Variants in ZCCHC14 observed in about 807,000 individuals in gnomAD.
ZCCHC14 encodes the protein zinc finger CCHC-type containing 14.
In ZCCHC14, 16 loss-of-function variants were observed where a neutral mutation model predicts 85.0. The observed-to-expected ratio is 0.19, with a 90% CI of 0.13 to 0.29. The LOEUF is 0.29. ZCCHC14 is among the 10% of genes least tolerant of loss of function. The pLI is 1.00. For missense variants in ZCCHC14, 1,303 were observed against 1,443.5 expected (o/e 0.90, Z 1.58); for synonymous variants, 775 against 630.7 (o/e 1.23, Z -3.43).
rs1278668368 is a variant in ZCCHC14, at chr16:87,436,980, G to A, written c.695-3779C>T. 2.6e-5 allele frequency among the ~76,000 whole-genome samples: 4 copies of A among 152,100 alleles called. No homozygotes were observed. The South Asian group carries it at 8.3e-4, about 31-fold the overall frequency. ...AACCCACTTCCAGTCTGCCCCCAGT[G>A]TGGCCGCCTTCCCCTCCCTCCCTGG... On this transcript the variant is annotated intron_variant, in intron 2 of 12. Coordinates refer to ENST00000671377, the MANE Select transcript of ZCCHC14 (RefSeq NM_015144.3).
intron 3 of ZCCHC14, among the ~76,000 whole-genome samples, chr16:87,424,252 G>C (rs902250329): frequency 6.6e-6 from 1 of 152,168 alleles, no homozygotes. Flanking sequence ...ATGCAAGAGC[G>C]ACACATTCCC....
intron 5 of ZCCHC14, 111 bp from the exon 6 acceptor site, chr16:87,419,988 GC>G: frequency 1.3e-6 from 1 of 746,560 alleles, no homozygotes; most frequent in Non-Finnish European, 2.1e-6. Flanking sequence ...GAGGAAAAAA[GC>G]CAGAAGTGCC....
Position 87,412,336 on chromosome 16 carries a change from A to G in ZCCHC14, c.2385T>C (p.Pro795=). 1 of 1,614,108 alleles carries G rather than the reference A, an allele frequency of 6.2e-7. No individual in the cohort carries two copies. The highest frequency in any genetic ancestry group is 2.2e-5 in the East Asian group (1 of 44,882). Residue 795 remains proline (P), a synonymous_variant, in exon 12 of 13, where the codon CCT becomes CCC. Coordinates refer to ENST00000671377, the MANE Select transcript of ZCCHC14 (RefSeq NM_015144.3). ...DSAISGQTSC[P]NNVQISVPPA... is the part of the protein sequence containing the mutation. ...GGGGCACACTTATTTGCACATTATTAGGACAGGAAGTTTGCCCAGAAATGG... is the reference window on the plus strand; with the variant it reads ...GGGGCACACTTATTTGCACATTATTGGGACAGGAAGTTTGCCCAGAAATGG...
At position 87,408,137 on chromosome 16, in the gene ZCCHC14, TTA is replaced by T. The variant is rs1491114720; in HGVS notation, c.*2141_*2142del. On this transcript the variant is annotated 3_prime_UTR_variant, in exon 13 of 13. Coordinates refer to ENST00000671377, the MANE Select transcript of ZCCHC14 (RefSeq NM_015144.3). ...TTTCTGTTTTAATGTTTTGCTGGAT[TTA>T]AGGTTAACCTCTAATACTTATCAAA... is the stretch of plus-strand genomic sequence containing the variant. 2 of 152,650 alleles carry T rather than the reference TTA, an allele frequency of 1.3e-5. No individual in the cohort carries two copies. Among genetic ancestry groups the T allele is most frequent in the African/African-American group, 4.8e-5 (2 of 41,454 alleles). 9.5% of individuals were successfully genotyped at this position (152,650 alleles called of 1,614,324 possible).
chr16:87,457,010 C>G (rs1198343405), intron 2 of ZCCHC14, among the ~76,000 whole-genome samples: 1 of 152,214 alleles, frequency 6.6e-6, no homozygotes, highest in Non-Finnish European at 1.5e-5. Context: ...AGCTTGTACA[C>G]TACAACAGCT....
chr16:87,452,521 C>T (rs894493603), intron 2 of ZCCHC14, among the ~76,000 whole-genome samples: 14 of 151,920 alleles, frequency 9.2e-5, no homozygotes, highest in South Asian at 4.2e-4. Context: ...AGAGCGCTAT[C>T]GGGACCACCA....
chr16:87,410,858 T>C (rs1183765955), intron 12 of ZCCHC14, among the ~76,000 whole-genome samples: 1 of 152,150 alleles, frequency 6.6e-6, no homozygotes, highest in Admixed American at 6.5e-5. Flanking sequence ...AGTGCAACCC[T>C]TAGAAGCAAC....
chr16:87,433,342 T>C, intron 2 of ZCCHC14, 141 bp from the exon 3 acceptor site: 1 of 728,708 alleles, frequency 1.4e-6, no homozygotes, highest in Non-Finnish European at 2.2e-6. Context: ...GCATCTCACC[T>C]AGAACCAGAG....
In ZCCHC14 at chr16:87,426,418, T is replaced by G. The variant is rs139332407; in HGVS notation, c.769-2537A>C. 8.3e-4 allele frequency among the ~76,000 whole-genome samples: 127 copies of G among 152,344 alleles called. 2 individuals carry two copies. In the East Asian group the frequency reaches 0.021, roughly 25 times the overall value. On this transcript the variant is annotated intron_variant, in intron 3 of 12. Coordinates refer to ENST00000671377, the MANE Select transcript of ZCCHC14 (RefSeq NM_015144.3). ...GGCACAGCATCTTCTATCACGTCCC[T>G]GAAAAGCTACTTAGCCTTATCTGGA...
rs1162345627 is a variant in ZCCHC14, at chr16:87,492,287, G to A, written c.-49C>T. The A allele has an allele frequency of 2.1e-6, 2 of 970,784 alleles. No individual in the cohort carries two copies. The highest frequency in any genetic ancestry group is 2.4e-6 in the Non-Finnish European group (2 of 820,294). The allele number at this position is 970,784 out of a possible 1,614,324, so 60.1% of individuals were successfully genotyped here. ...ACCCGGGGCCGGGGACCGCGCGGGG[G>A]CGGCCGGGGGGCGCCGGGGGCCGCG... On this transcript the variant is annotated 5_prime_UTR_variant, in exon 1 of 13. Coordinates refer to ENST00000671377, the MANE Select transcript of ZCCHC14 (RefSeq NM_015144.3). This position sits in a 1 kb window ranked among gnomAD's most constrained non-coding sequence, Gnocchi z 6.7.
intron 3 of ZCCHC14, among the ~76,000 whole-genome samples, chr16:87,426,797 G>C (rs1909394265): frequency 6.6e-6 from 1 of 152,210 alleles, no homozygotes; most frequent in African/African-American, 2.4e-5. Context: ...GGAAAGCGTG[G>C]ACTCTAAGAA....
chr16:87,414,898 T>C (rs891774757), intron 9 of ZCCHC14, among the ~76,000 whole-genome samples: 16 of 152,074 alleles, frequency 1.1e-4, no homozygotes, highest in African/African-American at 3.6e-4. Context: ...TTGGCCAATA[T>C]GGTAAAACCC....
In ZCCHC14 at chr16:87,491,527, T is replaced by A; in HGVS notation, c.570+142A>T. The A allele has an allele frequency of 3.0e-6, 2 of 662,980 alleles. No homozygotes were observed. The highest frequency in any genetic ancestry group is 2.2e-6 in the Non-Finnish European group (1 of 454,062). 41.1% of individuals were successfully genotyped at this position (662,980 alleles called of 1,614,324 possible). A position where few individuals can be genotyped will look rare whatever the true frequency, so the allele number is the denominator to read the frequency against. On this transcript the variant is annotated intron_variant, in intron 1 of 12. Coordinates refer to ENST00000671377, the MANE Select transcript of ZCCHC14 (RefSeq NM_015144.3). The surrounding 1 kb of genome is among the most constrained non-coding windows in gnomAD (Gnocchi z 5.9). Reference sequence around the variant, plus strand: ...TGGGATACGGGCTGGGGGCTCGTGGTGCAGGTTGGAGACCTGGGTGGGAGC... The same window carrying A: ...TGGGATACGGGCTGGGGGCTCGTGGAGCAGGTTGGAGACCTGGGTGGGAGC...
chr16:87,482,171 G>C (rs1301536795), intron 1 of ZCCHC14, among the ~76,000 whole-genome samples: 1 of 152,240 alleles, frequency 6.6e-6, no homozygotes, highest in East Asian at 1.9e-4. Flanking sequence ...CAGGTTGGAA[G>C]ACAGAAACCT....
intron 1 of ZCCHC14, among the ~76,000 whole-genome samples, chr16:87,462,904 AC>A (rs1421725707): frequency 6.6e-6 from 1 of 150,994 alleles, no homozygotes; most frequent in African/African-American, 2.4e-5. Context: ...ACCCGTCTCT[AC>A]TAAAAATACG....
At chr16:87,476,944 G>A (rs1247210958) in intron 1 of ZCCHC14, among the ~76,000 whole-genome samples, 1 of 151,636 alleles carries the variant, frequency 6.6e-6, no homozygotes, top group East Asian at 1.9e-4. Context: ...GACCAACATG[G>A]TGAAACCTTG....
At chr16:87,490,683 G>C (rs1912713547) in intron 1 of ZCCHC14, among the ~76,000 whole-genome samples, 1 of 152,208 alleles carries the variant, frequency 6.6e-6, no homozygotes, top group African/African-American at 2.4e-5. Flanking sequence ...TTGTTTCTAA[G>C]GGTCGCCAAT....
intron 2 of ZCCHC14, among the ~76,000 whole-genome samples, chr16:87,457,887 G>T (rs1680600628): frequency 6.6e-6 from 1 of 152,124 alleles, no homozygotes; most frequent in South Asian, 2.1e-4. Context: ...CTAATGAATG[G>T]AGAATGCTGC....
At chr16:87,451,841 G>A (rs978380125) in intron 2 of ZCCHC14, among the ~76,000 whole-genome samples, 4 of 152,226 alleles carry the variant, frequency 2.6e-5, no homozygotes, top group African/African-American at 4.8e-5. Context: ...CAGTGAACAC[G>A]GAAAGAAATC....
Sources: gnomAD v4.1 joint callset for allele counts (sites outside exome capture counted in the v4.1 genomes callset) on GRCh38, gnomAD v4.1.1 for gene constraint, Gnocchi (gnomAD v3.1) non-coding constraint, MANE v1.5 for transcripts, NCBI Gene and HGNC (gene_info 2026-07-23, HGNC 2026-07-21) for gene names.